Variants in GNA13 observed in about 807,000 individuals in gnomAD.
The protein encoded by GNA13 is G protein subunit alpha 13, also known as guanine nucleotide-binding protein subunit alpha-13.
A neutral mutation model predicts 33.5 loss-of-function variants in GNA13; 4 were observed. That is an observed-to-expected ratio of 0.12 (90% CI 0.06 to 0.27). GNA13 has a LOEUF of 0.27. Among genes scored for constraint, GNA13 ranks in the 10% least tolerant of loss-of-function variants. GNA13 has a pLI of 1.00. For missense variants in GNA13, 319 were observed against 487.2 expected, an observed-to-expected ratio of 0.65 and a Z score of 3.25; for synonymous variants, 176 against 183.8, an observed-to-expected ratio of 0.96 and a Z score of 0.34.
Position 65,031,587 on chromosome 17 carries a change from G to A in GNA13, c.511-13284C>T, listed in dbSNP as rs77800604. Among the ~76,000 whole-genome samples, 1,161 of 152,178 alleles carry A rather than the reference G, an allele frequency of 7.6e-3. 9 individuals are homozygous for A. The highest frequency in any genetic ancestry group is 0.01 in the Non-Finnish European group (704 of 68,000). On this transcript the variant is annotated intron_variant, in intron 2 of 3. Coordinates refer to ENST00000439174, the MANE Select transcript of GNA13 (RefSeq NM_006572.6). ...ACAACTGTGAGTTACTTTTATTATCGTAAGGTTTTTATATACCTATAATAT... is the reference window on the plus strand; with the variant it reads ...ACAACTGTGAGTTACTTTTATTATCATAAGGTTTTTATATACCTATAATAT...
chr17:65,041,739 C>T (rs1289423189), intron 2 of GNA13, among the ~76,000 whole-genome samples: 1 of 152,072 alleles, frequency 6.6e-6, no homozygotes, highest in African/African-American at 2.4e-5. Flanking sequence ...GAGTGGTGAG[C>T]ACTCTGCACC....
rs764432359 is a variant in GNA13 at position 65,009,790 on chromosome 17, A to C, written c.*4467T>G. 1.3e-5 allele frequency among the ~76,000 whole-genome samples: 2 copies of C among 152,246 alleles called. No individual in the cohort carries two copies. Among genetic ancestry groups the C allele is most frequent in the African/African-American group, 2.4e-5 (1 of 41,474 alleles). ...GGCATAGTTTGTTGCACTGTTGCTT[A>C]TACTGTGCAAGAATTAATCTCTACC... is the stretch of plus-strand genomic sequence containing the variant. On this transcript the variant is annotated 3_prime_UTR_variant, in exon 4 of 4. Coordinates refer to ENST00000439174, the MANE Select transcript of GNA13 (RefSeq NM_006572.6).
intron 2 of GNA13, among the ~76,000 whole-genome samples, chr17:65,031,951 T>C (rs975936544): frequency 1.3e-5 from 2 of 148,640 alleles, no homozygotes; most frequent in African/African-American, 5.2e-5. Flanking sequence ...TGTGTGTGTG[T>C]GTGTGTATAA....
At chr17:65,017,478 G>A (rs1314847500) in intron 3 of GNA13, among the ~76,000 whole-genome samples, 1 of 152,142 alleles carries the variant, frequency 6.6e-6, no homozygotes, top group Non-Finnish European at 1.5e-5. Context: ...TGACTCTAAG[G>A]CAATGGCTTT....
At chr17:65,019,527 T>C (rs1342539426) in intron 2 of GNA13, among the ~76,000 whole-genome samples, 1 of 152,140 alleles carries the variant, frequency 6.6e-6, no homozygotes, top group Non-Finnish European at 1.5e-5. Flanking sequence ...ACAACATATA[T>C]GGAAGTGTAG....
At chr17:65,056,251 A>AAAACCCCCCCC in intron 1 of GNA13, 60 bp downstream of exon 1, 1 of 740,728 alleles carries the variant, frequency 1.4e-6, no homozygotes, top group Admixed American at 2.4e-5. Flanking sequence ...CCCGCCCCGC[A>AAAACCCCCCCC]CCCGCCGCCG....
chr17:65,037,100 ATAAG>A (rs1181922738), intron 2 of GNA13, among the ~76,000 whole-genome samples: 1 of 152,260 alleles, frequency 6.6e-6, no homozygotes, highest in East Asian at 1.9e-4. Flanking sequence ...GGAAATGATC[ATAAG>A]TAAAATAATC....
rs370485056 is a variant in GNA13 at position 65,016,619 on chromosome 17, C to T, written c.561+1634G>A. 2.9e-3 allele frequency among the ~76,000 whole-genome samples: 440 copies of T among 152,352 alleles called. 4 individuals carry two copies. The highest frequency in any genetic ancestry group is 0.01 in the African/African-American group (423 of 41,582). On this transcript the variant is annotated intron_variant, in intron 3 of 3. Transcript: ENST00000439174. Reference sequence around the variant, plus strand: ...TCAAGTGATCCTCCCGCCTCAGCCTCCCAATGTGCTCGGATTATAGGCGTG... The same window carrying T: ...TCAAGTGATCCTCCCGCCTCAGCCTTCCAATGTGCTCGGATTATAGGCGTG...
rs1906179742 is a variant in GNA13 at position 65,011,282 on chromosome 17, C to G, written c.*2975G>C. The stretch of plus-strand genomic sequence containing the variant: ...CAATTTGAGAGACTAACCAGAGGAC[C>G]TTCTCTATGCAAATTACATGCCAAT... On this transcript the variant is annotated 3_prime_UTR_variant, in exon 4 of 4. Transcript: ENST00000439174. 1.0e-5 allele frequency: 2 copies of G among 198,678 alleles called. No homozygotes were observed. The highest frequency in any genetic ancestry group is 4.6e-5 in the African/African-American group (2 of 43,380). The allele number at this position is 198,678 out of a possible 1,614,324, so 12.3% of individuals were successfully genotyped here.
rs570623117 is a variant in GNA13, at chr17:65,011,524, A to G, written c.*2733T>C. The G allele has an allele frequency of 4.9e-6, 1 of 203,086 alleles. No homozygotes were observed. The highest frequency in any genetic ancestry group is 6.0e-5 in the Admixed American group (1 of 16,768). 12.6% of individuals were successfully genotyped at this position (203,086 alleles called of 1,614,324 possible). Reference sequence around the variant, plus strand: ...TCAGATTTTCAGAAAACATTTGACAAAACCCTTTCTCTATAAAAGTTATGG... The same window carrying G: ...TCAGATTTTCAGAAAACATTTGACAGAACCCTTTCTCTATAAAAGTTATGG... On this transcript the variant is annotated 3_prime_UTR_variant, in exon 4 of 4. Coordinates refer to ENST00000439174, the MANE Select transcript of GNA13 (RefSeq NM_006572.6).
chr17:65,053,429 T>C lies in GNA13; in HGVS notation c.510+73A>G, dbSNP rs538828625. ...TTGGGAACATTTCGAATTTTCGCAT[T>C]AGGGATGTGCAACCTGTATTACTAA... On this transcript the variant is annotated intron_variant, in intron 2 of 3. Transcript: ENST00000439174. 4.3e-6 allele frequency: 4 copies of C among 926,176 alleles called. No homozygotes were observed. In the East Asian group the frequency reaches 9.6e-5, roughly 22 times the overall value. 57.4% of individuals were successfully genotyped at this position (926,176 alleles called of 1,614,324 possible). A position where few individuals can be genotyped will look rare whatever the true frequency, so the allele number is the denominator to read the frequency against.
At chr17:65,019,540 C>T (rs1056660576) in intron 2 of GNA13, among the ~76,000 whole-genome samples, 1 of 152,148 alleles carries the variant, frequency 6.6e-6, no homozygotes, top group Non-Finnish European at 1.5e-5. Flanking sequence ...AAGTGTAGGT[C>T]ACTATGTTAA....
At chr17:65,047,410 G>A (rs972177645) in intron 2 of GNA13, among the ~76,000 whole-genome samples, 44 of 151,926 alleles carry the variant, frequency 2.9e-4, no homozygotes, top group Admixed American at 9.8e-4. Flanking sequence ...AATAAAGTAA[G>A]ATAAAAACCT....
At chr17:65,025,024 G>A (rs1044086258) in intron 2 of GNA13, among the ~76,000 whole-genome samples, 1 of 152,160 alleles carries the variant, frequency 6.6e-6, no homozygotes, top group South Asian at 2.1e-4. Flanking sequence ...AGCCTCCAGC[G>A]TAGGTGGGAT....
chr17:65,037,846 C>T (rs1333665704), intron 2 of GNA13, among the ~76,000 whole-genome samples: 1 of 145,188 alleles, frequency 6.9e-6, no homozygotes, highest in Non-Finnish European at 1.5e-5. Context: ...TTTTTACACC[C>T]TTTCCCCGAG....
intron 2 of GNA13, among the ~76,000 whole-genome samples, chr17:65,030,040 T>C (rs911069328): frequency 4.6e-5 from 7 of 152,186 alleles, no homozygotes; most frequent in African/African-American, 1.4e-4. Flanking sequence ...CTGTAGGCAG[T>C]GGTACGGGAA....
intron 2 of GNA13, chr17:65,053,152 T>C (rs1907915490): frequency 5.2e-6 from 1 of 193,436 alleles, no homozygotes; most frequent in Non-Finnish European, 1.1e-5. Context: ...CTTATCCGAA[T>C]GCCTGGGACC....
intron 1 of GNA13, 50 bp downstream of exon 1, chr17:65,056,261 G>GCCCCCCCCCCCCCC: frequency 1.8e-6 from 1 of 560,700 alleles, no homozygotes; most frequent in Non-Finnish European, 3.0e-6. Flanking sequence ...ACCCGCCGCC[G>GCCCCCCCCCCCCCC]CCCCAGCCCC....
chr17:65,020,430 T>C (rs1253420901), intron 2 of GNA13, among the ~76,000 whole-genome samples: 49 of 152,230 alleles, frequency 3.2e-4, no homozygotes, highest in Admixed American at 3.1e-3. Context: ...TTAGTTCCAC[T>C]GATTTCAAGT....
Sources: allele counts gnomAD v4.1 joint callset (sites outside exome capture counted in the v4.1 genomes callset), GRCh38; gene constraint gnomAD v4.1.1; transcripts MANE v1.5; gene names NCBI Gene and HGNC (gene_info 2026-07-23, HGNC 2026-07-21).